Variants in RTL1 observed in about 807,000 individuals in gnomAD.
RTL1 encodes retrotransposon Gag like 1, also known as retrotransposon-like protein 1.
For missense variants in RTL1, 1,681 were observed against 1,767.5 expected (o/e 0.95, Z 0.88); for synonymous variants, 727 against 748.4 (o/e 0.97, Z 0.47).
In RTL1 at chr14:100,893,282, C is replaced by T. The variant is rs1374549088; in HGVS notation, c.-87+162G>A. Among the ~76,000 whole-genome samples, 1 of 152,184 alleles carries T rather than the reference C, an allele frequency of 6.6e-6. No homozygotes were observed. Among genetic ancestry groups the T allele is most frequent in the Non-Finnish European group, 1.5e-5 (1 of 68,032 alleles). On this transcript the variant is annotated intron_variant, in intron 3 of 3. Transcript: ENST00000649591. The surrounding 1 kb of genome is among the most constrained non-coding windows in gnomAD (Gnocchi z 4.2). ...AGCTGCTCAAGTATTTGAATAGAGG[C>T]CTTGAGTACACACCACCATGTCATG... is the stretch of plus-strand genomic sequence containing the variant.
intron 3 of RTL1, among the ~76,000 whole-genome samples, chr14:100,890,573 T>TA (rs931120090): frequency 9.3e-5 from 14 of 149,870 alleles, no homozygotes; most frequent in African/African-American, 3.4e-4. Flanking sequence ...GAAAGGGGAG[T>TA]AAGGGAGAGG....
At chr14:100,895,856 T>C (rs1436441473) in intron 2 of RTL1, among the ~76,000 whole-genome samples, 1 of 152,088 alleles carries the variant, frequency 6.6e-6, no homozygotes, top group African/African-American at 2.4e-5. Flanking sequence ...GTGGATCACC[T>C]GAGGCCAGGA....
At chr14:100,889,749 CA>C (rs1183829148) in intron 3 of RTL1, 1 of 152,048 alleles carries the variant, frequency 6.6e-6, no homozygotes, top group Non-Finnish European at 1.5e-5. Context: ...ACGAATACCC[CA>C]CTGGAGGTGA....
Position 100,884,277 on chromosome 14 carries a change from A to G in RTL1, c.512T>C (p.Ile171Thr), listed in dbSNP as rs2038665064. The G allele has an allele frequency of 6.4e-7, 1 of 1,551,716 alleles. No homozygotes were observed. The highest frequency in any genetic ancestry group is 8.7e-7 in the Non-Finnish European group (1 of 1,146,990). ...AELMAMVRSIISLYFRMQDLK... is the reference protein window; with the variant it reads ...AELMAMVRSITSLYFRMQDLK... ...GTCTTGCATTCGGAAGTACAGCGAG[A>G]TGATGGACCTCACCATGGCCATAAG... is the stretch of plus-strand genomic sequence containing the variant. The change falls in exon 4 of 4, where the codon ATC becomes ACC. Residue 171 changes from isoleucine (I) to threonine (T), a missense_variant. Physicochemically the swap from Ile to Thr is moderately conservative, Grantham distance 89. Transcript: ENST00000649591.
chr14:100,885,404 G>A (rs1434886826), intron 3 of RTL1, among the ~76,000 whole-genome samples: 1 of 152,194 alleles, frequency 6.6e-6, no homozygotes, highest in African/African-American at 2.4e-5. Context: ...CAGTGCAGTG[G>A]AAGAGGAGAA....
At chr14:100,899,641 T>C (rs983343285) in intron 2 of RTL1, among the ~76,000 whole-genome samples, 1 of 150,424 alleles carries the variant, frequency 6.6e-6, no homozygotes, top group African/African-American at 2.5e-5. Context: ...CAGACCCAGC[T>C]ACAGAACAGA....
At chr14:100,890,669 C>T (rs541631896) in intron 3 of RTL1, among the ~76,000 whole-genome samples, 1 of 152,240 alleles carries the variant, frequency 6.6e-6, no homozygotes, top group Admixed American at 6.5e-5. Context: ...GCTCTCTGGG[C>T]TGCCAGGATG....
chr14:100,890,735 C>A (rs1381590250), intron 3 of RTL1, among the ~76,000 whole-genome samples: 1 of 151,976 alleles, frequency 6.6e-6, no homozygotes, highest in Non-Finnish European at 1.5e-5. Flanking sequence ...GTGCTCAGAG[C>A]TCCTTGGGTT....
chr14:100,902,433 T>C (rs555919732), intron 2 of RTL1, among the ~76,000 whole-genome samples: 1 of 152,188 alleles, frequency 6.6e-6, no homozygotes, highest in South Asian at 2.1e-4. Flanking sequence ...GGGGAGGGCG[T>C]GGTGCTCCCC....
In RTL1 at chr14:100,881,219, AG is replaced by A. The variant is rs1160910074; in HGVS notation, c.3569del (p.Pro1190LeufsTer5). The A allele has an allele frequency of 6.5e-7, 1 of 1,545,914 alleles. No individual in the cohort carries two copies. ...SQAHRGLQFT[P>X]GFWLTLCEFF... ...ACTCACACAGCGTCAGCCAGAAGCC[AG>A]GGGTGAACTGCAGGCCTCGGTGGGC... is the stretch of plus-strand genomic sequence containing the variant. On this transcript the variant is annotated frameshift_variant, in exon 4 of 4. Transcript: ENST00000649591. LOFTEE classifies it low-confidence loss of function (END_TRUNC). This position sits in a 1 kb window ranked among gnomAD's most constrained non-coding sequence, Gnocchi z 6.6.
At position 100,882,449 on chromosome 14, in the gene RTL1, G is replaced by A. The variant is rs184376567; in HGVS notation, c.2340C>T (p.Phe780=). 1 of 1,552,070 alleles carries A rather than the reference G, an allele frequency of 6.4e-7. No individual in the cohort carries two copies. Among genetic ancestry groups the A allele is most frequent in the Admixed American group, 2.0e-5 (1 of 51,006 alleles). ...GTTTCACCCCTTTGGGGGTGACGAC[G>A]AAGCCCAGGAATTCCACGGTTTGGC... ...FHRQTVEFLG[F]VVTPKGVKLN... is the part of the protein sequence containing the mutation. The change falls in exon 4 of 4, where the codon TTC becomes TTT. Residue 780 remains phenylalanine, a synonymous_variant. Transcript: ENST00000649591.
At chr14:100,896,372 G>A (rs1202886658) in intron 2 of RTL1, among the ~76,000 whole-genome samples, 2 of 152,144 alleles carry the variant, frequency 1.3e-5, no homozygotes, top group African/African-American at 4.8e-5. Context: ...ACCAATTAGT[G>A]ATCTGTGCGG....
intron 3 of RTL1, among the ~76,000 whole-genome samples, chr14:100,890,074 G>GGAAAAAAAAAAAAA (rs554899525): frequency 2.0e-4 from 25 of 123,850 alleles, no homozygotes; most frequent in Middle Eastern, 4.8e-3. Context: ...CGCCTTATTT[G>GGAAAAAAAAAAAAA]AAAAAAAAAA....
At position 100,894,654 on chromosome 14, in the gene RTL1, T is replaced by G. The variant is rs78740750; in HGVS notation, c.-148-1149A>C. On this transcript the variant is annotated intron_variant, in intron 2 of 3. Coordinates refer to ENST00000649591, the MANE Select transcript of RTL1 (RefSeq NM_001134888.3). ...AGGGCTCAGAGAGGCAAGATGCCAT[T>G]TGGCCATGCCACCGAGTGAGCAGTT... 1,252 of 152,416 alleles carry G rather than the reference T, an allele frequency of 8.2e-3. 14 individuals carry two copies. The highest frequency in any genetic ancestry group is 0.028 in the African/African-American group (1,174 of 41,590). 9.4% of individuals were successfully genotyped at this position (152,416 alleles called of 1,614,324 possible).
In RTL1 at chr14:100,881,744, C is replaced by T. The variant is rs897066770; in HGVS notation, c.3045G>A (p.Leu1015=). The T allele has an allele frequency of 6.2e-7, 1 of 1,610,384 alleles. No individual in the cohort carries two copies. The highest frequency in any genetic ancestry group is 1.7e-5 in the Admixed American group (1 of 59,146). ...FQRNTAARQT[L]LLASRGFPRD... is the part of the protein sequence containing the mutation. Reference sequence around the variant, plus strand: ...TGGGGAATCCCCTTGAGGCCAGCAGCAGGGTTTGCCTGGCGGCAGTGTTCC... The same window carrying T: ...TGGGGAATCCCCTTGAGGCCAGCAGTAGGGTTTGCCTGGCGGCAGTGTTCC... The change falls in exon 4 of 4, where the codon CTG becomes CTA. Residue 1015 remains leucine, a synonymous_variant. Coordinates refer to ENST00000649591, the MANE Select transcript of RTL1 (RefSeq NM_001134888.3). This position sits in a 1 kb window ranked among gnomAD's most constrained non-coding sequence, Gnocchi z 6.6.
intron 2 of RTL1, among the ~76,000 whole-genome samples, chr14:100,896,802 G>A (rs1261915343): frequency 6.6e-6 from 1 of 152,200 alleles, no homozygotes; most frequent in East Asian, 1.9e-4. Flanking sequence ...AGGGGGCACA[G>A]TGAGGCCCCA....
At position 100,884,183 on chromosome 14, in the gene RTL1, G is replaced by T; in HGVS notation, c.606C>A (p.Ala202=). 6.4e-7 allele frequency: 1 copy of T among 1,551,716 alleles called. No individual in the cohort carries two copies. The highest frequency in any genetic ancestry group is 8.7e-7 in the Non-Finnish European group (1 of 1,146,976). ...IKGINAGQLP[A]PKHFSGDRRE... ...TGCGATCGCCAGAGAAGTGCTTTGGGGCGGGCAGTTGGCCTGCATTGATCC... is the reference window on the plus strand; with the variant it reads ...TGCGATCGCCAGAGAAGTGCTTTGGTGCGGGCAGTTGGCCTGCATTGATCC... Residue 202 remains alanine (A), a synonymous_variant, in exon 4 of 4, where the codon GCC becomes GCA. Transcript: ENST00000649591.
Position 100,881,252 on chromosome 14 carries a change from G to A in RTL1, c.3537C>T (p.His1179=). Residue 1179 remains histidine, a synonymous_variant, in exon 4 of 4, where the codon CAC becomes CAT. Coordinates refer to ENST00000649591, the MANE Select transcript of RTL1 (RefSeq NM_001134888.3). The surrounding 1 kb of genome is among the most constrained non-coding windows in gnomAD (Gnocchi z 6.6). ...GPGRWQRNAL[H]SQAHRGLQFT... ...ACTGCAGGCCTCGGTGGGCCTGGGAGTGCAGAGCATTTCGCTGCCAGCGGC... is the reference window on the plus strand; with the variant it reads ...ACTGCAGGCCTCGGTGGGCCTGGGAATGCAGAGCATTTCGCTGCCAGCGGC... 6.5e-7 allele frequency: 1 copy of A among 1,549,918 alleles called. No homozygotes were observed. Among genetic ancestry groups the A allele is most frequent in the Non-Finnish European group, 8.7e-7 (1 of 1,146,656 alleles).
chr14:100,902,434 G>C (rs948195647), intron 2 of RTL1, among the ~76,000 whole-genome samples: 1 of 152,230 alleles, frequency 6.6e-6, no homozygotes. Context: ...GGGAGGGCGT[G>C]GTGCTCCCCT....
Sources: gnomAD v4.1 joint callset for allele counts (sites outside exome capture counted in the v4.1 genomes callset) on GRCh38, gnomAD v4.1.1 for gene constraint, Gnocchi (gnomAD v3.1) non-coding constraint, MANE v1.5 for transcripts, NCBI Gene and HGNC (gene_info 2026-07-23, HGNC 2026-07-21) for gene names.